The following SCMH1 variants were observed in gnomAD, a reference collection of about 807,000 sequenced individuals.
SCMH1 encodes polycomb protein SCMH1.
SCMH1 carries 37 observed loss-of-function variants against 70.8 expected under a neutral mutation model. The observed-to-expected ratio is 0.52, with a 90% CI of 0.40 to 0.69. SCMH1 has a LOEUF of 0.69. Ranked by LOEUF, SCMH1 falls within the 30% of genes least tolerant of loss-of-function variation. SCMH1 has a pLI of 0.00. For missense variants in SCMH1, 607 were observed against 827.3 expected, an observed-to-expected ratio of 0.73 and a Z score of 3.27; for synonymous variants, 292 against 307.4, an observed-to-expected ratio of 0.95 and a Z score of 0.52.
At chr1:41,159,323 A>G (rs1645825862) in intron 4 of SCMH1, among the ~76,000 whole-genome samples, 1 of 152,140 alleles carries the variant, frequency 6.6e-6, no homozygotes, top group Non-Finnish European at 1.5e-5. Context: ...ACATTTCACA[A>G]CTCCCCATCA....
In SCMH1 at chr1:41,113,589, ACTAT is replaced by A. The variant is rs756290232; in HGVS notation, c.502-67_502-64del. ...AGAGAGGCCATTATGCCAATAGACT[ACTAT>A]CTAATTTGGATGATTAAAAAGTGAC... On this transcript the variant is annotated intron_variant, in intron 7 of 14. Coordinates refer to ENST00000337495, the Ensembl canonical transcript of SCMH1. The surrounding 1 kb of genome is among the most constrained non-coding windows in gnomAD (Gnocchi z 4.3). The A allele has an allele frequency of 2.0e-6, 3 of 1,535,504 alleles. No individual in the cohort carries two copies. Among genetic ancestry groups the A allele is most frequent in the Non-Finnish European group, 1.8e-6 (2 of 1,142,328 alleles).
rs529374345 is a variant in SCMH1 at position 41,118,706 on chromosome 1, G to A, written c.413-1696C>T. On this transcript the variant is annotated intron_variant, in intron 6 of 14. Transcript: ENST00000337495. ...GTCCATTATCACCTATCAATGAATTGTAAAAATAAGATCATTATTACAGTT... is the reference window on the plus strand; with the variant it reads ...GTCCATTATCACCTATCAATGAATTATAAAAATAAGATCATTATTACAGTT... 2.0e-5 allele frequency among the ~76,000 whole-genome samples: 3 copies of A among 152,310 alleles called. No individual in the cohort carries two copies. In the East Asian group the frequency reaches 5.8e-4, roughly 29 times the overall value.
At chr1:41,132,493 G>A (rs910084083) in intron 6 of SCMH1, among the ~76,000 whole-genome samples, 2 of 152,102 alleles carry the variant, frequency 1.3e-5, no homozygotes, top group Admixed American at 1.3e-4. Context: ...TATTCTGTAG[G>A]TTGCCTGTTC....
At position 41,075,161 on chromosome 1, in the gene SCMH1, G is replaced by A. The variant is rs1313159231; in HGVS notation, c.978+58C>T. 3.2e-6 allele frequency: 5 copies of A among 1,554,294 alleles called. No individual in the cohort carries two copies. In the Admixed American group the frequency reaches 8.4e-5, roughly 26 times the overall value. ...TTACAGGCGTGAGCCACGGCGCCTG[G>A]CCGAATGACCCCTTTATAAACCCTT... On this transcript the variant is annotated intron_variant, in intron 9 of 14. Coordinates refer to ENST00000337495, the Ensembl canonical transcript of SCMH1.
At chr1:41,169,158 A>T (rs1453056028) in intron 2 of SCMH1, among the ~76,000 whole-genome samples, 1 of 152,190 alleles carries the variant, frequency 6.6e-6, no homozygotes, top group Non-Finnish European at 1.5e-5. Context: ...GCAAAGCTCC[A>T]CTGACTCCCA....
At chr1:41,201,552 T>C (rs1056979168) in intron 1 of SCMH1, among the ~76,000 whole-genome samples, 4 of 152,166 alleles carry the variant, frequency 2.6e-5, no homozygotes, top group Non-Finnish European at 5.9e-5. Flanking sequence ...CCTTATCAAG[T>C]GATATTAGTT....
chr1:41,050,591 G>A (rs78214821), intron 10 of SCMH1, among the ~76,000 whole-genome samples: 11,885 of 152,168 alleles, frequency 0.078, 602 homozygotes, highest in South Asian at 0.13. Flanking sequence ...ACAAAAAGAA[G>A]AAAAGGGTAA....
intron 1 of SCMH1, among the ~76,000 whole-genome samples, chr1:41,209,503 A>C (rs1481307179): frequency 6.6e-6 from 1 of 152,254 alleles, no homozygotes; most frequent in African/African-American, 2.4e-5. Context: ...CAGCACATCG[A>C]AAAGCTTATC....
intron 11 of SCMH1, among the ~76,000 whole-genome samples, chr1:41,047,329 G>A (rs901419438): frequency 6.0e-5 from 9 of 150,792 alleles, no homozygotes; most frequent in African/African-American, 2.2e-4. Flanking sequence ...ACAAAGAAGA[G>A]ACCAGGGAGT....
rs540884290 is a variant in SCMH1 at position 41,056,839 on chromosome 1, C to T, written c.1106-7949G>A. On this transcript the variant is annotated intron_variant, in intron 10 of 14. Transcript: ENST00000337495. Reference sequence around the variant, plus strand: ...TGAGTTTTGCCTCCAGGAGCTCAACCGGATTCTCACAGTAAATATAAGAGA... The same window carrying T: ...TGAGTTTTGCCTCCAGGAGCTCAACTGGATTCTCACAGTAAATATAAGAGA... 3.3e-5 allele frequency among the ~76,000 whole-genome samples: 5 copies of T among 152,258 alleles called. 1 individual carries two copies. The South Asian group carries it at 8.3e-4, about 25-fold the overall frequency.
At chr1:41,176,895 G>A (rs1647189209) in intron 2 of SCMH1, among the ~76,000 whole-genome samples, 1 of 152,204 alleles carries the variant, frequency 6.6e-6, no homozygotes, top group Admixed American at 6.5e-5. Flanking sequence ...GCTTTGAAGA[G>A]AGTAGTGGTT....
intron 1 of SCMH1, among the ~76,000 whole-genome samples, chr1:41,217,657 C>T (rs1406445196): frequency 2.0e-5 from 3 of 152,152 alleles, no homozygotes; most frequent in Non-Finnish European, 4.4e-5. Flanking sequence ...GAATTTCATA[C>T]CAGCAAAAGT....
chr1:41,095,537 T>C (rs369364258), intron 8 of SCMH1, among the ~76,000 whole-genome samples: 260 of 152,326 alleles, frequency 1.7e-3, no homozygotes, highest in Non-Finnish European at 3.1e-3. Context: ...TTGTAACTGG[T>C]ATATGACAGT....
intron 7 of SCMH1, among the ~76,000 whole-genome samples, chr1:41,114,798 T>C (rs1255232095): frequency 3.9e-5 from 6 of 152,004 alleles, no homozygotes; most frequent in Non-Finnish European, 7.4e-5. Context: ...TACCTCAGCC[T>C]CCCAAGTAGC....
chr1:41,072,253 T>C (rs1349999907), intron 9 of SCMH1, among the ~76,000 whole-genome samples: 1 of 152,054 alleles, frequency 6.6e-6, no homozygotes, highest in Non-Finnish European at 1.5e-5. Flanking sequence ...ACGTAATGAA[T>C]GAGTCAGGGA....
intron 2 of SCMH1, among the ~76,000 whole-genome samples, chr1:41,182,335 A>C (rs1462496200): frequency 6.6e-6 from 1 of 152,204 alleles, no homozygotes; most frequent in Admixed American, 6.5e-5. Flanking sequence ...TACACCCTAA[A>C]ACTTAAAGTA....
At chr1:41,152,742 C>T in intron 4 of SCMH1, 1 of 1,603,042 alleles carries the variant, frequency 6.2e-7, no homozygotes, top group Non-Finnish European at 8.5e-7. Flanking sequence ...GCACTAGATG[C>T]TGGGAATAAA....
Position 41,075,311 on chromosome 1 carries a change from TG to T in SCMH1, c.885del (p.Lys296ArgfsTer3). 1 of 1,614,182 alleles carries T rather than the reference TG, an allele frequency of 6.2e-7. No homozygotes were observed. ...GAGATGGGATGGGAAATTAGGGTCTTGGGTGTCCGGCCCCGCTTCTTTCCTG... is the reference window on the plus strand; with the variant it reads ...GAGATGGGATGGGAAATTAGGGTCTTGGTGTCCGGCCCCGCTTCTTTCCTG... On this transcript the variant is annotated frameshift_variant, in exon 9 of 15. Transcript: ENST00000337495. LOFTEE classifies it high-confidence loss of function.
chr1:41,042,001 G>C (rs1295134180), intron 12 of SCMH1, among the ~76,000 whole-genome samples: 1 of 152,014 alleles, frequency 6.6e-6, no homozygotes, highest in Non-Finnish European at 1.5e-5. Flanking sequence ...ACCCGGCCGG[G>C]CCTCTTTTAC....
Sources: allele counts gnomAD v4.1 joint callset (sites outside exome capture counted in the v4.1 genomes callset), GRCh38; gene constraint gnomAD v4.1.1; non-coding constraint Gnocchi (gnomAD v3.1); transcripts MANE v1.5; gene names NCBI Gene and HGNC (gene_info 2026-07-23, HGNC 2026-07-21).